Variants in CEP295 observed in about 807,000 individuals in gnomAD.
CEP295 encodes the protein centrosomal protein of 295 kDa.
CEP295 carries 190 observed loss-of-function variants against 291.6 expected under a neutral mutation model. The observed-to-expected ratio is 0.65, with a 90% CI of 0.58 to 0.73. The LOEUF (loss-of-function observed/expected upper bound fraction) is 0.73. CEP295 is among the 30% of genes least tolerant of loss of function. CEP295 has a pLI of 0.00. For synonymous variants in CEP295, 993 were observed against 1,038.8 expected, an observed-to-expected ratio of 0.96 and a Z score of 0.85; for missense variants, 2,863 against 2,949.4, an observed-to-expected ratio of 0.97 and a Z score of 0.68.
chr11:93,681,572 C>T (rs779357262), intron 7 of CEP295, among the ~76,000 whole-genome samples: 21 of 151,672 alleles, frequency 1.4e-4, no homozygotes, highest in Admixed American at 3.3e-4. Flanking sequence ...CATACCACCA[C>T]GCTTGGCTAA....
intron 10 of CEP295, among the ~76,000 whole-genome samples, 163 bp downstream of exon 10, chr11:93,688,028 C>T (rs995423044): frequency 6.6e-6 from 1 of 151,940 alleles, no homozygotes; most frequent in African/African-American, 2.4e-5. Flanking sequence ...GAATCTTCTT[C>T]CGGACCACTT....
chr11:93,698,051 C>T lies in CEP295; in HGVS notation c.3139C>T (p.Leu1047=). The T allele has an allele frequency of 2.6e-6, 4 of 1,551,774 alleles. No individual in the cohort carries two copies. The highest frequency in any genetic ancestry group is 3.5e-6 in the Non-Finnish European group (4 of 1,146,986). The change falls in exon 15 of 30, where the codon CTA becomes TTA. Residue 1047 remains leucine (L), a synonymous_variant. Coordinates refer to ENST00000325212, the MANE Select transcript of CEP295 (RefSeq NM_033395.2). The stretch of plus-strand genomic sequence containing the variant: ...ATCTCAGGATGGGTCTTTGAGTTTC[C>T]TACAGCAGTTCCTACCTCTACATGA... The part of the protein sequence containing the change: ...PISQDGSLSF[L]QQFLPLHDSL...
chr11:93,691,709 G>A lies in CEP295; in HGVS notation c.1363G>A (p.Glu455Lys). The change falls in exon 11 of 30, where the codon GAG becomes AAG. Residue 455 changes from glutamate to lysine, a missense_variant. By Grantham distance (56) the Glu-to-Lys change is moderately conservative. Transcript: ENST00000325212. Reference protein sequence around the residue: ...QVVESDTLTIESGPLASEDKP... With the variant: ...QVVESDTLTIKSGPLASEDKP... ...TGTTGAAAGTGATACACTAACAATT[G>A]AGTCTGGACCACTTGCTAGTGAAGA... is the stretch of plus-strand genomic sequence containing the variant. 1 of 1,544,912 alleles carries A rather than the reference G, an allele frequency of 6.5e-7. No homozygotes were observed. The highest frequency in any genetic ancestry group is 1.4e-5 in the African/African-American group (1 of 72,958).
intron 6 of CEP295, among the ~76,000 whole-genome samples, chr11:93,676,301 C>T (rs930584346): frequency 6.6e-6 from 1 of 151,914 alleles, no homozygotes; most frequent in East Asian, 1.9e-4. Context: ...GGAGAATGAC[C>T]ACCTTACCAT....
chr11:93,715,264 C>T (rs1953166658), intron 18 of CEP295, among the ~76,000 whole-genome samples: 1 of 152,174 alleles, frequency 6.6e-6, no homozygotes, highest in African/African-American at 2.4e-5. Context: ...TTGTCCACCA[C>T]CACCACAGGC....
Position 93,692,172 on chromosome 11 carries a change from G to C in CEP295, c.1533+142G>C, listed in dbSNP as rs1202422313. 1.0e-5 allele frequency: 6 copies of C among 583,566 alleles called. No individual in the cohort carries two copies. The African/African-American group carries it at 1.1e-4, about 11-fold the overall frequency. 36.1% of individuals were successfully genotyped at this position (583,566 alleles called of 1,614,324 possible). A position where few individuals can be genotyped will look rare whatever the true frequency, so the allele number is the denominator to read the frequency against. On this transcript the variant is annotated intron_variant, in intron 12 of 29. Transcript: ENST00000325212. ...CATTGTCTTACACAAACATTCAGCT[G>C]ATAAAATGCGTGTTGTCTTTGCCCA...
Position 93,664,373 on chromosome 11 carries a change from G to T in CEP295, c.-26-2309G>T, listed in dbSNP as rs4753487. 7.7e-3 allele frequency among the ~76,000 whole-genome samples: 1,168 copies of T among 152,344 alleles called. 41 individuals carry two copies. Among genetic ancestry groups the T allele is most frequent in the East Asian group, 0.071 (368 of 5,182 alleles). ...GATTCTTCCCTTGGCTCCGCCACTAGATGTTGTCACTCAGGGAAAGTCCTT... is the reference window on the plus strand; with the variant it reads ...GATTCTTCCCTTGGCTCCGCCACTATATGTTGTCACTCAGGGAAAGTCCTT... On this transcript the variant is annotated intron_variant, in intron 1 of 29. Coordinates refer to ENST00000325212, the MANE Select transcript of CEP295 (RefSeq NM_033395.2).
rs1179547380 is a variant in CEP295, at chr11:93,727,246, C to T, written c.6770C>T (p.Thr2257Ile). The change falls in exon 24 of 30, where the codon ACT (threonine) becomes ATT (isoleucine). Residue 2257 changes from threonine to isoleucine, a missense_variant. Coordinates refer to ENST00000325212, the MANE Select transcript of CEP295 (RefSeq NM_033395.2). ...GATCAGTTAAATGTACAGCATAGCA[C>T]TCCATGTGGTTCTAACTCTAGTGAG... ...VFDQLNVQHSTPCGSNSSECS... is the reference protein window; with the variant it reads ...VFDQLNVQHSIPCGSNSSECS... The T allele has an allele frequency of 6.4e-7, 1 of 1,551,718 alleles. No individual in the cohort carries two copies. Among genetic ancestry groups the T allele is most frequent in the Non-Finnish European group, 8.7e-7 (1 of 1,146,966 alleles).
In CEP295 at chr11:93,702,775, G is replaced by C; in HGVS notation, c.5453-1G>C. The C allele has an allele frequency of 6.4e-7, 1 of 1,551,278 alleles. No homozygotes were observed. Among genetic ancestry groups the C allele is most frequent in the Non-Finnish European group, 8.7e-7 (1 of 1,146,866 alleles). On this transcript the variant is annotated splice_acceptor_variant, in intron 16 of 29. Coordinates refer to ENST00000325212, the MANE Select transcript of CEP295 (RefSeq NM_033395.2). LOFTEE classifies it high-confidence loss of function. Reference sequence around the variant, plus strand: ...ATCCAACTTTGTCATTGACTTAATAGGTGAGCATCTGGAGAAAGATCTGGG... The same window carrying C: ...ATCCAACTTTGTCATTGACTTAATACGTGAGCATCTGGAGAAAGATCTGGG...
At chr11:93,665,347 C>T (rs1950158409) in intron 1 of CEP295, among the ~76,000 whole-genome samples, 1 of 152,058 alleles carries the variant, frequency 6.6e-6, no homozygotes, top group African/African-American at 2.4e-5. Flanking sequence ...TGCCTCGTTC[C>T]CCCAAATAGG....
intron 21 of CEP295, 184 bp downstream of exon 21, chr11:93,723,473 C>A: frequency 2.0e-6 from 1 of 512,312 alleles, no homozygotes; most frequent in Non-Finnish European, 3.5e-6. Flanking sequence ...CAATTAGACT[C>A]ACTGAGGCAC....
rs1256948055 is a variant in CEP295 at position 93,669,773 on chromosome 11, G to A, written c.528+3G>A. On this transcript the variant is annotated splice_donor_region_variant and intron_variant, in intron 5 of 29. Coordinates refer to ENST00000325212, the MANE Select transcript of CEP295 (RefSeq NM_033395.2). ...CTCCTCCTCCAACTCTTTTTGAGGTGAGTTTGAGTATTAAGAGGAACTAGG... is the reference window on the plus strand; with the variant it reads ...CTCCTCCTCCAACTCTTTTTGAGGTAAGTTTGAGTATTAAGAGGAACTAGG... 6 of 1,540,930 alleles carry A rather than the reference G, an allele frequency of 3.9e-6. No homozygotes were observed. The highest frequency in any genetic ancestry group is 1.4e-5 in the African/African-American group (1 of 72,778).
rs56899998 is a variant in CEP295 at position 93,690,267 on chromosome 11, C to T, written c.1337-1416C>T. On this transcript the variant is annotated intron_variant, in intron 10 of 29. Coordinates refer to ENST00000325212, the MANE Select transcript of CEP295 (RefSeq NM_033395.2). ...TCCACTAAAAATACAAAAGATTAGC[C>T]GTGCATGGGCTGGGTGCGGTGGCTC... 4.8e-3 allele frequency among the ~76,000 whole-genome samples: 724 copies of T among 151,304 alleles called. 6 individuals carry two copies. Among genetic ancestry groups the T allele is most frequent in the African/African-American group, 0.016 (646 of 41,214 alleles).
chr11:93,663,781 T>C (rs1269183000), intron 1 of CEP295, among the ~76,000 whole-genome samples: 1 of 152,170 alleles, frequency 6.6e-6, no homozygotes, highest in African/African-American at 2.4e-5. Flanking sequence ...TTTTCAATAA[T>C]CCTCTGAGAT....
intron 10 of CEP295, among the ~76,000 whole-genome samples, chr11:93,691,030 T>G (rs1951521515): frequency 6.6e-6 from 1 of 152,210 alleles, no homozygotes; most frequent in African/African-American, 2.4e-5. Context: ...TTTATTATAC[T>G]CTATTGTATA....
In CEP295 at chr11:93,700,088, A is replaced by G; in HGVS notation, c.5176A>G (p.Lys1726Glu). 3.2e-6 allele frequency: 5 copies of G among 1,551,768 alleles called. No homozygotes were observed. Among genetic ancestry groups the G allele is most frequent in the Non-Finnish European group, 4.4e-6 (5 of 1,147,002 alleles). Residue 1726 changes from lysine (K) to glutamate (E), a missense_variant, in exon 15 of 30, where the codon AAA becomes GAA. By Grantham distance (56) the Lys-to-Glu change is moderately conservative. Around this residue, in one of 3 missense-constraint regions of CEP295, gnomAD observed 2,295 missense variants for 2,335.7 expected, o/e 0.98. Transcript: ENST00000325212. Reference sequence around the variant, plus strand: ...AAGAGAAGTTCTGCATTATAGCCAGAAAGCCCAGGAAAAATTGCTTGTACA... The same window carrying G: ...AAGAGAAGTTCTGCATTATAGCCAGGAAGCCCAGGAAAAATTGCTTGTACA... Reference protein sequence around the residue: ...LQREVLHYSQKAQEKLLVQRQ... With the variant: ...LQREVLHYSQEAQEKLLVQRQ...
In CEP295 at chr11:93,729,747, T is replaced by C; in HGVS notation, c.7533T>C (p.Ser2511=). 6.5e-7 allele frequency: 1 copy of C among 1,549,342 alleles called. No individual in the cohort carries two copies. Among genetic ancestry groups the C allele is most frequent in the East Asian group, 2.4e-5 (1 of 40,898 alleles). ...ATAAAATTCATGTCTCTGAAAATTC[T>C]CAAATCAAAACAGTTAAAGAGAAAC... ...IRNKIHVSEN[S]QIKTVKEKPS... Residue 2511 remains serine, a synonymous_variant, in exon 27 of 30, where the codon TCT becomes TCC. Transcript: ENST00000325212.
intron 18 of CEP295, among the ~76,000 whole-genome samples, chr11:93,721,090 G>A (rs1028257986): frequency 3.5e-4 from 54 of 152,132 alleles, no homozygotes; most frequent in African/African-American, 1.2e-3. Flanking sequence ...AATAACAATA[G>A]CTACAGTTTT....
At chr11:93,692,492 T>TG (rs1043251617) in intron 12 of CEP295, among the ~76,000 whole-genome samples, 21 of 152,194 alleles carry the variant, frequency 1.4e-4, no homozygotes, top group Non-Finnish European at 3.1e-4. Flanking sequence ...GCCCTTTTTT[T>TG]GCTCCGTCGC....
Sources: gnomAD v4.1 joint callset for allele counts (sites outside exome capture counted in the v4.1 genomes callset) on GRCh38, gnomAD v4.1.1 for gene constraint, gnomAD v4.1.1 regional missense constraint, MANE v1.5 for transcripts, NCBI Gene and HGNC (gene_info 2026-07-23, HGNC 2026-07-21) for gene names.